The following ADAMTSL1 variants were observed in gnomAD, a reference collection of about 807,000 sequenced individuals.
ADAMTSL1 encodes ADAMTS like 1, also known as ADAMTS-like protein 1.
A neutral mutation model predicts 201.8 loss-of-function variants in ADAMTSL1; 126 were observed. That is an observed-to-expected ratio of 0.62 (90% CI 0.54 to 0.72). The LOEUF is 0.72. Among genes scored for constraint, ADAMTSL1 ranks in the 30% least tolerant of loss-of-function variants. ADAMTSL1 has a pLI of 0.00. For synonymous variants in ADAMTSL1, 1,121 were observed against 903.4 expected (o/e 1.24, Z -4.32); for missense variants, 2,679 against 2,277.8 (o/e 1.18, Z -3.59).
At chr9:18,191,648 G>T (rs1286725236) in intron 2 of ADAMTSL1, among the ~76,000 whole-genome samples, 1 of 152,146 alleles carries the variant, frequency 6.6e-6, no homozygotes, top group East Asian at 1.9e-4. Flanking sequence ...CCAGCTTAAA[G>T]TTCACAGTTG....
chr9:18,890,578 C>G (rs1397342388), intron 25 of ADAMTSL1: 1 of 455,942 alleles, frequency 2.2e-6, no homozygotes, highest in Non-Finnish European at 4.4e-6. Context: ...GCAGCTGAAA[C>G]CAGGAGAGAT....
intron 19 of ADAMTSL1, among the ~76,000 whole-genome samples, chr9:18,793,997 A>G (rs1455156229): frequency 6.6e-6 from 1 of 151,888 alleles, no homozygotes; most frequent in Non-Finnish European, 1.5e-5. Flanking sequence ...GTAGGCACTC[A>G]CAGTTTGATT....
At chr9:18,100,839 A>G (rs1036754581) in intron 1 of ADAMTSL1, among the ~76,000 whole-genome samples, 1 of 152,040 alleles carries the variant, frequency 6.6e-6, no homozygotes, top group Admixed American at 6.6e-5. Flanking sequence ...TCTGAAATTG[A>G]CCTCCTATGT....
chr9:18,135,139 A>T (rs1764346018), intron 1 of ADAMTSL1, among the ~76,000 whole-genome samples: 1 of 152,198 alleles, frequency 6.6e-6, no homozygotes, highest in South Asian at 2.1e-4. Flanking sequence ...AATTATAAAC[A>T]TCTGACTTAG....
intron 2 of ADAMTSL1, among the ~76,000 whole-genome samples, chr9:18,353,576 G>C (rs951908505): frequency 6.6e-6 from 1 of 152,074 alleles, no homozygotes; most frequent in African/African-American, 2.4e-5. Flanking sequence ...ATATTTTATG[G>C]GTTAAATATA....
At chr9:18,137,815 G>T (rs745406915) in intron 1 of ADAMTSL1, among the ~76,000 whole-genome samples, 1 of 152,152 alleles carries the variant, frequency 6.6e-6, no homozygotes, top group Admixed American at 6.6e-5. Context: ...CTGTATTCTA[G>T]GGTGCTAAGA....
In ADAMTSL1 at chr9:17,918,222, A is replaced by G. The variant is rs549824186; in HGVS notation, c.87+11300A>G. Among the ~76,000 whole-genome samples the G allele has an allele frequency of 1.3e-5, 2 of 151,780 alleles. 1 individual carries two copies. Among genetic ancestry groups the G allele is most frequent in the South Asian group, 4.1e-4 (2 of 4,822 alleles). ...TTTGGTCTTATTTTTCTAGTTTTGT[A>G]AGGTGTATGCTGAAGTCATTGATAT... On this transcript the variant is annotated intron_variant, in intron 1 of 29. Transcript: ENST00000680146.
intron 1 of ADAMTSL1, among the ~76,000 whole-genome samples, chr9:18,043,581 A>G (rs1035037634): frequency 1.3e-5 from 2 of 151,974 alleles, no homozygotes; most frequent in African/African-American, 4.8e-5. Context: ...CCTACCCCAG[A>G]GCCTGTGCTT....
At chr9:18,589,880 A>G (rs1228498450) in intron 4 of ADAMTSL1, among the ~76,000 whole-genome samples, 2 of 152,144 alleles carry the variant, frequency 1.3e-5, no homozygotes, top group East Asian at 3.8e-4. Context: ...ATTAATTTGT[A>G]AATGTTGATC....
Position 18,635,989 on chromosome 9 carries a change from C to T in ADAMTSL1, c.648C>T (p.Arg216=). The T allele has an allele frequency of 4.4e-6, 7 of 1,602,160 alleles. No homozygotes were observed. Among genetic ancestry groups the T allele is most frequent in the Non-Finnish European group, 5.9e-6 (7 of 1,177,310 alleles). ...VAIPYGSRHI[R]LVLKGPDHLY... ...TTCCCTATGGAAGTAGACATATTCG[C>T]CTTGTCTTAAAAGGTCCTGATCACT... Residue 216 remains arginine, a synonymous_variant, in exon 6 of 29, where the codon CGC becomes CGT. Coordinates refer to ENST00000380548, the MANE Select transcript of ADAMTSL1 (RefSeq NM_001040272.6).
chr9:18,094,360 C>CT (rs2131824632), intron 1 of ADAMTSL1, among the ~76,000 whole-genome samples: 1 of 152,306 alleles, frequency 6.6e-6, no homozygotes, highest in Non-Finnish European at 1.5e-5. Flanking sequence ...ATATATACTA[C>CT]CACTGTGTGG....
chr9:18,020,041 T>A (rs2131580552), intron 1 of ADAMTSL1, among the ~76,000 whole-genome samples: 1 of 152,158 alleles, frequency 6.6e-6, no homozygotes, highest in African/African-American at 2.4e-5. Flanking sequence ...AACACTATTA[T>A]TTTTGGTGTC....
chr9:18,785,670 T>C (rs1265714684), intron 19 of ADAMTSL1, among the ~76,000 whole-genome samples: 1 of 152,370 alleles, frequency 6.6e-6, no homozygotes, highest in East Asian at 1.9e-4. Flanking sequence ...TCCAGTCTGC[T>C]TTTGGATAGA....
intron 1 of ADAMTSL1, among the ~76,000 whole-genome samples, chr9:18,484,952 A>G (rs1821911330): frequency 6.6e-6 from 1 of 152,230 alleles, no homozygotes; most frequent in South Asian, 2.1e-4. Context: ...GGACGCTAAT[A>G]AAATAAATTT....
At chr9:18,677,464 A>G (rs1006289683) in intron 10 of ADAMTSL1, among the ~76,000 whole-genome samples, 3 of 152,072 alleles carry the variant, frequency 2.0e-5, no homozygotes, top group African/African-American at 7.2e-5. Context: ...TGTGAAATAA[A>G]TGTTCATAGG....
intron 1 of ADAMTSL1, among the ~76,000 whole-genome samples, chr9:17,945,947 C>T (rs1267368254): frequency 1.3e-5 from 2 of 151,340 alleles, no homozygotes; most frequent in East Asian, 3.9e-4. Flanking sequence ...GCACATGTAC[C>T]CTAAAACTTA....
chr9:18,605,934 C>T (rs935512478), intron 4 of ADAMTSL1, among the ~76,000 whole-genome samples: 2 of 152,260 alleles, frequency 1.3e-5, no homozygotes, highest in East Asian at 1.9e-4. Flanking sequence ...ACTGTGTGTT[C>T]AAGTCAGCAT....
chr9:18,856,843 G>A (rs1329342571), intron 23 of ADAMTSL1, among the ~76,000 whole-genome samples: 1 of 152,146 alleles, frequency 6.6e-6, no homozygotes, highest in Non-Finnish European at 1.5e-5. Context: ...GTTGTCTGTG[G>A]TATTTAATGG....
intron 9 of ADAMTSL1, among the ~76,000 whole-genome samples, chr9:18,673,857 T>C (rs1328154485): frequency 6.6e-6 from 1 of 152,164 alleles, no homozygotes; most frequent in African/African-American, 2.4e-5. Context: ...TACTATTAGA[T>C]AACAGTGTAT....
Sources: allele counts gnomAD v4.1 joint callset (sites outside exome capture counted in the v4.1 genomes callset), GRCh38; gene constraint gnomAD v4.1.1; transcripts MANE v1.5; gene names NCBI Gene and HGNC (gene_info 2026-07-23, HGNC 2026-07-21).